The following NXPH1 variants were observed in gnomAD, a reference collection of about 807,000 sequenced individuals.
NXPH1 encodes the protein neurexophilin-1.
Under a neutral mutation model 23.7 loss-of-function variants are expected in NXPH1, and 5 were observed. That is an observed-to-expected ratio of 0.21 (90% confidence interval 0.11 to 0.44). NXPH1 has a LOEUF of 0.44. NXPH1 is among the 20% of genes least tolerant of loss of function. The pLI is 0.99. For missense variants in NXPH1, 324 were observed against 321.6 expected (o/e 1.01, Z -0.06); for synonymous variants, 144 against 122.2 (o/e 1.18, Z -1.18).
At chr7:8,527,435 A>ATT (rs1383429630) in intron 2 of NXPH1, among the ~76,000 whole-genome samples, 1 of 152,158 alleles carries the variant, frequency 6.6e-6, no homozygotes, top group Non-Finnish European at 1.5e-5. Context: ...CAGCTGCAAC[A>ATT]TTTTGTCTTT....
chr7:8,746,642 G>A (rs1368333364), intron 2 of NXPH1, among the ~76,000 whole-genome samples: 1 of 152,002 alleles, frequency 6.6e-6, no homozygotes, highest in Admixed American at 6.5e-5. Context: ...AATATATATT[G>A]ATGCTATCCT....
At position 8,751,447 on chromosome 7, in the gene NXPH1, T is replaced by A; in HGVS notation, c.494T>A (p.Val165Asp). Residue 165 changes from valine to aspartate, a missense_variant, in exon 3 of 3, where the codon GTC (valine) becomes GAC (aspartate). By Grantham distance (152) the Val-to-Asp change is radical. Transcript: ENST00000405863. This position sits in a 1 kb window ranked among gnomAD's most constrained non-coding sequence, Gnocchi z 4.5. The part of the protein sequence containing the change: ...HNSTGQGNVS[V>D]SLVPPTKIVE... Reference sequence around the variant, plus strand: ...TCAACTGGTCAAGGGAATGTATCTGTCAGCTTGGTACCCCCTACAAAAATC... The same window carrying A: ...TCAACTGGTCAAGGGAATGTATCTGACAGCTTGGTACCCCCTACAAAAATC... 6.2e-7 allele frequency: 1 copy of A among 1,613,858 alleles called. No homozygotes were observed. The highest frequency in any genetic ancestry group is 8.5e-7 in the Non-Finnish European group (1 of 1,179,854).
intron 2 of NXPH1, among the ~76,000 whole-genome samples, chr7:8,565,843 T>A (rs936217692): frequency 6.6e-6 from 1 of 151,782 alleles, no homozygotes; most frequent in African/African-American, 2.4e-5. Flanking sequence ...TCCTGGTGAA[T>A]TTTAGGGCCA....
intron 2 of NXPH1, among the ~76,000 whole-genome samples, chr7:8,699,982 T>C (rs17154215): frequency 0.1 from 15,559 of 152,152 alleles, 1,356 homozygotes; most frequent in African/African-American, 0.23. Flanking sequence ...TTAGGAAATA[T>C]TTCATGTGTT....
intron 2 of NXPH1, among the ~76,000 whole-genome samples, chr7:8,451,110 C>CT (rs5882168): frequency 0.17 from 24,107 of 139,348 alleles, 3,349 homozygotes; most frequent in African/African-American, 0.38. Flanking sequence ...AGGGATCTAG[C>CT]TTTTTTTTTT....
intron 2 of NXPH1, among the ~76,000 whole-genome samples, chr7:8,477,496 C>G (rs987014404): frequency 6.6e-6 from 1 of 152,080 alleles, no homozygotes; most frequent in Admixed American, 6.6e-5. Flanking sequence ...CTTTCCTAGA[C>G]TTTTGCCTAG....
intron 2 of NXPH1, among the ~76,000 whole-genome samples, chr7:8,491,019 C>T (rs764870244): frequency 1.3e-5 from 2 of 151,982 alleles, no homozygotes; most frequent in East Asian, 1.9e-4. Flanking sequence ...GTGACACCTG[C>T]GACACCTGCT....
chr7:8,743,837 C>G (rs1780421873), intron 2 of NXPH1, among the ~76,000 whole-genome samples: 1 of 152,044 alleles, frequency 6.6e-6, no homozygotes, highest in Admixed American at 6.5e-5. Context: ...GCACCCACCA[C>G]CGTGCCCGGC....
intron 2 of NXPH1, among the ~76,000 whole-genome samples, chr7:8,669,285 G>C (rs536073321): frequency 2.4e-4 from 36 of 152,250 alleles, no homozygotes; most frequent in African/African-American, 7.2e-4. Context: ...CTGAAGCCTG[G>C]GGCTGTGTGG....
At chr7:8,554,705 C>A (rs932868367) in intron 2 of NXPH1, among the ~76,000 whole-genome samples, 3 of 151,642 alleles carry the variant, frequency 2.0e-5, no homozygotes, top group Non-Finnish European at 4.4e-5. Context: ...TTCCTGAATT[C>A]TTTGGCCTTT....
chr7:8,678,927 AATTTTTTTTTTTTTT>A (rs1318207644), intron 2 of NXPH1, among the ~76,000 whole-genome samples: 1 of 77,736 alleles, frequency 1.3e-5, no homozygotes, highest in Non-Finnish European at 2.5e-5. Flanking sequence ...TGCTTTATCC[AATTTTTTTTTTTTTT>A]TTTTTTTTTT....
chr7:8,751,184 C>A lies in NXPH1; in HGVS notation c.231C>A (p.Asp77Glu), dbSNP rs915005549. Residue 77 changes from aspartate to glutamate, a missense_variant, in exon 3 of 3, where the codon GAC (aspartate) becomes GAA (glutamate). Asp to Glu is a conservative substitution (Grantham distance 45, BLOSUM62 2). Coordinates refer to ENST00000405863, the MANE Select transcript of NXPH1 (RefSeq NM_152745.3). This position sits in a 1 kb window ranked among gnomAD's most constrained non-coding sequence, Gnocchi z 4.5. ...ATACAGATTTGGACCTGAGATATGA[C>A]ACCCCAGAACCTTATTCTGAGCAAG... ...ENDTDLDLRY[D>E]TPEPYSEQDL... 2.5e-6 allele frequency: 4 copies of A among 1,613,680 alleles called. No individual in the cohort carries two copies. The African/African-American group carries it at 5.3e-5, about 22-fold the overall frequency.
At chr7:8,593,816 C>G (rs150758386) in intron 2 of NXPH1, among the ~76,000 whole-genome samples, 1,706 of 152,114 alleles carry the variant, frequency 0.011, 20 homozygotes, top group South Asian at 0.052. Context: ...ATTTTGGATT[C>G]TGCTTATAAC....
chr7:8,575,313 C>G (rs1368528976), intron 2 of NXPH1, among the ~76,000 whole-genome samples: 1 of 152,106 alleles, frequency 6.6e-6, no homozygotes, highest in African/African-American at 2.4e-5. Flanking sequence ...TAAAATGTCT[C>G]TTTTTCTCCT....
rs552756177 is a variant in NXPH1 at position 8,713,567 on chromosome 7, C to T, written c.55-37441C>T. Reference sequence around the variant, plus strand: ...AAATATATATTGTAGTCTTTGCAACCTTGGCTTGTTTTTACCCGTCCTTCT... The same window carrying T: ...AAATATATATTGTAGTCTTTGCAACTTTGGCTTGTTTTTACCCGTCCTTCT... On this transcript the variant is annotated intron_variant, in intron 2 of 2. Coordinates refer to ENST00000405863, the MANE Select transcript of NXPH1 (RefSeq NM_152745.3). Among the ~76,000 whole-genome samples the T allele has an allele frequency of 2.2e-3, 327 of 152,074 alleles. 1 individual carries two copies. Among genetic ancestry groups the T allele is most frequent in the African/African-American group, 7.5e-3 (310 of 41,450 alleles).
Position 8,752,266 on chromosome 7 carries a change from ACTGTAGGAGTAT to A in NXPH1, c.*501_*512del, listed in dbSNP as rs995978289. 6.4e-5 allele frequency: 10 copies of A among 155,196 alleles called. No homozygotes were observed. Among genetic ancestry groups the A allele is most frequent in the Admixed American group, 3.8e-4 (6 of 15,888 alleles). The allele number at this position is 155,196 out of a possible 1,614,324, so 9.6% of individuals were successfully genotyped here. On this transcript the variant is annotated 3_prime_UTR_variant, in exon 3 of 3. Transcript: ENST00000405863. ...TGGAGTAGCTGTACTGGTAAATACT[ACTGTAGGAGTAT>A]CTGCTTGTTAAAATGGAAAAATGTG...
intron 2 of NXPH1, among the ~76,000 whole-genome samples, chr7:8,554,864 T>C (rs1360398773): frequency 6.6e-6 from 1 of 151,752 alleles, no homozygotes; most frequent in Non-Finnish European, 1.5e-5. Flanking sequence ...TTAACTTTTC[T>C]AATTCCAGTT....
intron 2 of NXPH1, among the ~76,000 whole-genome samples, chr7:8,568,132 C>T (rs1490167643): frequency 2.6e-5 from 4 of 151,744 alleles, no homozygotes; most frequent in Admixed American, 2.0e-4. Flanking sequence ...TAAAATAGAG[C>T]AGATTATGTG....
At chr7:8,495,857 G>A (rs948766740) in intron 2 of NXPH1, among the ~76,000 whole-genome samples, 8 of 151,960 alleles carry the variant, frequency 5.3e-5, no homozygotes, top group African/African-American at 7.2e-5. Flanking sequence ...TGGCTGCCAC[G>A]GTATTTGTTT....
Sources: allele counts gnomAD v4.1 joint callset (sites outside exome capture counted in the v4.1 genomes callset), GRCh38; gene constraint gnomAD v4.1.1; non-coding constraint Gnocchi (gnomAD v3.1); transcripts MANE v1.5; gene names NCBI Gene and HGNC (gene_info 2026-07-23, HGNC 2026-07-21).